OGFOD1: variants seen among roughly 807,000 people sequenced by gnomAD.
The protein encoded by OGFOD1 is prolyl 3-hydroxylase OGFOD1.
A neutral mutation model predicts 67.7 loss-of-function variants in OGFOD1; 54 were observed. That is an observed-to-expected ratio of 0.80 (90% CI 0.64 to 1.00). The LOEUF (loss-of-function observed/expected upper bound fraction) is 1.00. OGFOD1 is among the 50% of genes least tolerant of loss of function. OGFOD1 has a pLI of 0.00. For synonymous variants in OGFOD1, 221 were observed against 227.0 expected, an observed-to-expected ratio of 0.97 and a Z score of 0.24; for missense variants, 606 against 646.7, an observed-to-expected ratio of 0.94 and a Z score of 0.68.
chr16:56,460,996 T>C (rs1962693374), intron 3 of OGFOD1, among the ~76,000 whole-genome samples: 1 of 152,252 alleles, frequency 6.6e-6, no homozygotes. Context: ...ATTGGTATCC[T>C]GTTAGCATCA....
At chr16:56,468,447 C>T (rs374697320) in intron 8 of OGFOD1, among the ~76,000 whole-genome samples, 3 of 152,144 alleles carry the variant, frequency 2.0e-5, no homozygotes, top group Admixed American at 2.0e-4. Flanking sequence ...ACTGGCCAGG[C>T]ACAGTGGCTC....
intron 10 of OGFOD1, among the ~76,000 whole-genome samples, chr16:56,473,981 G>A (rs540730212): frequency 3.3e-5 from 5 of 152,076 alleles, no homozygotes; most frequent in African/African-American, 7.2e-5. Context: ...TAATATTTTC[G>A]TATTTTTAGT....
At chr16:56,473,311 G>A (rs1252535458) in intron 10 of OGFOD1, among the ~76,000 whole-genome samples, 2 of 152,170 alleles carry the variant, frequency 1.3e-5, no homozygotes, top group African/African-American at 4.8e-5. Context: ...CCACAATTAA[G>A]TTTTGAAAAA....
At chr16:56,465,501 A>G (rs558668867) in intron 4 of OGFOD1, 3 of 152,304 alleles carry the variant, frequency 2.0e-5, no homozygotes, top group South Asian at 4.1e-4. Flanking sequence ...TCCATGTGTA[A>G]TTGGTTGCAG....
At chr16:56,457,272 T>TCCA (rs1188944523) in intron 2 of OGFOD1, among the ~76,000 whole-genome samples, 1 of 152,208 alleles carries the variant, frequency 6.6e-6, no homozygotes, top group Admixed American at 6.5e-5. Flanking sequence ...ACAACATGGA[T>TCCA]GAACCTTGAA....
At chr16:56,473,131 C>T (rs8044359) in intron 10 of OGFOD1, among the ~76,000 whole-genome samples, 34,520 of 152,070 alleles carry the variant, frequency 0.23, 4,518 homozygotes, top group African/African-American at 0.36. Flanking sequence ...GGGGTTTCAC[C>T]GTGTTAGCCA....
chr16:56,468,037 G>A lies in OGFOD1; in HGVS notation c.900+19G>A. On this transcript the variant is annotated intron_variant, in intron 8 of 12. Transcript: ENST00000566157. ...TCTTAAGGTAAGCTTAGCGTATGTT[G>A]TTCTGAATATTTTGTTTGGCATGCA... 7.7e-7 allele frequency: 1 copy of A among 1,292,892 alleles called. No homozygotes were observed. The allele number at this position is 1,292,892 out of a possible 1,614,324, so 80.1% of individuals were successfully genotyped here.
Position 56,478,692 on chromosome 16 carries a change from A to G in OGFOD1, c.*2487A>G. 1 of 152,222 alleles carries G rather than the reference A, an allele frequency of 6.6e-6. No individual in the cohort carries two copies. The highest frequency in any genetic ancestry group is 1.5e-5 in the Non-Finnish European group (1 of 68,032). The allele number at this position is 152,222 out of a possible 1,614,324, so 9.4% of individuals were successfully genotyped here. A position where few individuals can be genotyped will look rare whatever the true frequency, so the allele number is the denominator to read the frequency against. On this transcript the variant is annotated 3_prime_UTR_variant, in exon 13 of 13. Coordinates refer to ENST00000566157, the MANE Select transcript of OGFOD1 (RefSeq NM_018233.4). ...TTCTGGAAAGCCAAATCTGAATCTT[A>G]GAATACCTCACAAGTGTTAAAATGT...
At position 56,478,611 on chromosome 16, in the gene OGFOD1, T is replaced by C. The variant is rs1323135891; in HGVS notation, c.*2406T>C. 1 of 152,198 alleles carries C rather than the reference T, an allele frequency of 6.6e-6. No individual in the cohort carries two copies. Among genetic ancestry groups the C allele is most frequent in the Admixed American group, 6.5e-5 (1 of 15,278 alleles). The allele number at this position is 152,198 out of a possible 1,614,324, so 9.4% of individuals were successfully genotyped here. ...GGTGAAACTGTCATGTGTGCCAAGC[T>C]TGGAAAATAGTTTGAGACTCATGGC... On this transcript the variant is annotated 3_prime_UTR_variant, in exon 13 of 13. Transcript: ENST00000566157.
At chr16:56,460,227 T>G (rs1342017853) in intron 3 of OGFOD1, among the ~76,000 whole-genome samples, 2 of 152,208 alleles carry the variant, frequency 1.3e-5, no homozygotes, top group East Asian at 3.9e-4. Flanking sequence ...CACTAAAGGC[T>G]TACAGCCAGA....
intron 7 of OGFOD1, 75 bp from the exon 8 acceptor site, chr16:56,467,830 T>G: frequency 3.9e-6 from 3 of 769,950 alleles, no homozygotes; most frequent in Non-Finnish European, 4.7e-6. Context: ...TGTATTTTAT[T>G]AGTGTGAAAT....
intron 1 of OGFOD1, chr16:56,452,148 A>G (rs1171912126): frequency 5.8e-6 from 1 of 172,526 alleles, no homozygotes; most frequent in Non-Finnish European, 1.2e-5. Flanking sequence ...CATAATATTT[A>G]CCTCGGAAAG....
At chr16:56,469,950 T>C (rs1018063557) in intron 8 of OGFOD1, 53 bp from the exon 9 acceptor site, 3 of 1,496,930 alleles carry the variant, frequency 2.0e-6, no homozygotes, top group Non-Finnish European at 2.8e-6. Context: ...GCCAAACCAG[T>C]GCGGGGTAAT....
Position 56,470,773 on chromosome 16 carries a change from G to A in OGFOD1, c.1267G>A (p.Glu423Lys), listed in dbSNP as rs772151135. The A allele has an allele frequency of 3.1e-5, 50 of 1,595,668 alleles. No homozygotes were observed. Among genetic ancestry groups the A allele is most frequent in the Non-Finnish European group, 4.2e-5 (49 of 1,172,168 alleles). ...SNEQTDPEPE[E>K]NETKKESSVP... The stretch of plus-strand genomic sequence containing the variant: ...TGAGCAGACAGACCCAGAGCCAGAG[G>A]AAAATGAAACAAAGAAAGGTAAGCT... Residue 423 changes from glutamate (E) to lysine (K), a missense_variant, in exon 10 of 13, where the codon GAA becomes AAA. Physicochemically the swap from Glu to Lys is moderately conservative, Grantham distance 56. Coordinates refer to ENST00000566157, the MANE Select transcript of OGFOD1 (RefSeq NM_018233.4).
intron 2 of OGFOD1, among the ~76,000 whole-genome samples, chr16:56,455,982 G>C (rs1185629766): frequency 1.3e-5 from 2 of 152,136 alleles, no homozygotes; most frequent in African/African-American, 4.8e-5. Flanking sequence ...TCTTATAAGA[G>C]TTGTCTGCAC....
intron 2 of OGFOD1, among the ~76,000 whole-genome samples, chr16:56,454,002 A>G (rs1194328551): frequency 6.6e-6 from 1 of 152,186 alleles, no homozygotes; most frequent in Admixed American, 6.5e-5. Context: ...CATGTGGGTA[A>G]GTGGTATGAT....
chr16:56,476,404 T>TAA lies in OGFOD1; in HGVS notation c.*209_*210dup, dbSNP rs59188420. ...TGCAGCTAAGTACTTATCTCTTGAT[T>TAA]AAAAAAAAAAAGTTGGCTTTTTTTT... On this transcript the variant is annotated 3_prime_UTR_variant, in exon 13 of 13. Coordinates refer to ENST00000566157, the MANE Select transcript of OGFOD1 (RefSeq NM_018233.4). 0.029 allele frequency: 9,128 copies of TAA among 311,976 alleles called. 101 individuals carry two copies. Among genetic ancestry groups the TAA allele is most frequent in the South Asian group, 0.045 (287 of 6,444 alleles). 19.3% of individuals were successfully genotyped at this position (311,976 alleles called of 1,614,324 possible). A position where few individuals can be genotyped will look rare whatever the true frequency, so the allele number is the denominator to read the frequency against.
At position 56,476,428 on chromosome 16, in the gene OGFOD1, T is replaced by C; in HGVS notation, c.*223T>C. On this transcript the variant is annotated 3_prime_UTR_variant, in exon 13 of 13. Transcript: ENST00000566157. ...TTAAAAAAAAAAAGTTGGCTTTTTT[T>C]TTTTTAACATTTAGTCCTTTTTCCA... The C allele has an allele frequency of 2.7e-6, 1 of 363,990 alleles. No homozygotes were observed. 22.5% of individuals were successfully genotyped at this position (363,990 alleles called of 1,614,324 possible).
intron 3 of OGFOD1, 97 bp from the exon 4 acceptor site, chr16:56,462,437 G>C: frequency 1.4e-6 from 1 of 706,680 alleles, no homozygotes; most frequent in Non-Finnish European, 2.6e-6. Context: ...AATACAATGT[G>C]ATCTCCAGGA....
Sources: allele counts gnomAD v4.1 joint callset (sites outside exome capture counted in the v4.1 genomes callset), GRCh38; gene constraint gnomAD v4.1.1; transcripts MANE v1.5; gene names NCBI Gene and HGNC (gene_info 2026-07-23, HGNC 2026-07-21).